LARGE1: variants seen among roughly 807,000 people sequenced by gnomAD.
The protein encoded by LARGE1 is xylosyl- and glucuronyltransferase LARGE1.
A neutral mutation model predicts 87.6 loss-of-function variants in LARGE1; 43 were observed. The observed-to-expected ratio is 0.49, with a 90% CI of 0.38 to 0.63. The LOEUF (loss-of-function observed/expected upper bound fraction) is 0.63, where lower values mean the gene tolerates loss of function less well. Among genes scored for constraint, LARGE1 ranks in the 30% least tolerant of loss-of-function variants. The probability of loss-of-function intolerance (pLI) is 0.00; values close to 1 mark genes in which losing one functional copy is unlikely to be tolerated. For synonymous variants in LARGE1, 434 were observed against 394.6 expected (o/e 1.10, Z -1.18); for missense variants, 802 against 1,000.2 (o/e 0.80, Z 2.67).
chr22:33,511,432 T>A (rs2148443130), intron 6 of LARGE1, among the ~76,000 whole-genome samples: 1 of 152,306 alleles, frequency 6.6e-6, no homozygotes, highest in East Asian at 1.9e-4. Flanking sequence ...GGGATTCAGC[T>A]TTGCATGATA....
chr22:33,667,346 C>T (rs899752245), intron 2 of LARGE1, among the ~76,000 whole-genome samples: 5 of 152,244 alleles, frequency 3.3e-5, no homozygotes, highest in Non-Finnish European at 7.3e-5. Flanking sequence ...GATGGCTTAT[C>T]TCTATCATGA....
intron 9 of LARGE1, among the ~76,000 whole-genome samples, chr22:33,349,332 G>A (rs1940132073): frequency 6.6e-6 from 1 of 152,134 alleles, no homozygotes; most frequent in South Asian, 2.1e-4. Context: ...TATTGGTTCT[G>A]TTTCTCTGGA....
At chr22:33,219,371 T>C (rs1265485865) in intron 11 of LARGE1, among the ~76,000 whole-genome samples, 1 of 152,222 alleles carries the variant, frequency 6.6e-6, no homozygotes, top group African/African-American at 2.4e-5. Flanking sequence ...CATGTAGACA[T>C]GGGACCTCAC....
At chr22:33,403,057 A>AAAC (rs75141421) in intron 7 of LARGE1, among the ~76,000 whole-genome samples, 48,609 of 151,572 alleles carry the variant, frequency 0.32, 8,703 homozygotes, top group African/African-American at 0.49. Flanking sequence ...AAAACAAAAC[A>AAAC]AACAACAACA....
At chr22:33,644,876 G>T (rs240331) in intron 3 of LARGE1, among the ~76,000 whole-genome samples, 75,620 of 151,752 alleles carry the variant, frequency 0.5, 20,794 homozygotes, top group Middle Eastern at 0.66. Flanking sequence ...ACCTCTTCAA[G>T]AACTACAAAC....
intron 1 of LARGE1, among the ~76,000 whole-genome samples, chr22:33,887,089 A>C (rs2064873232): frequency 6.6e-6 from 1 of 152,202 alleles, no homozygotes; most frequent in African/African-American, 2.4e-5. Context: ...GAAGTGAAGG[A>C]AACAGAATTC....
intron 10 of LARGE1, among the ~76,000 whole-genome samples, chr22:33,335,415 G>C (rs1938322766): frequency 6.6e-6 from 1 of 152,186 alleles, no homozygotes; most frequent in African/African-American, 2.4e-5. Context: ...TGGGGACCCA[G>C]TCACAGAGAG....
chr22:33,920,676 G>A (rs1215513133), upstream of LARGE1, among the ~76,000 whole-genome samples: 3 of 145,658 alleles, frequency 2.1e-5, no homozygotes, highest in East Asian at 6.0e-4. Flanking sequence ...GCGGAGGCGC[G>A]GCGAGTGGAT....
intron 5 of LARGE1, 93 bp downstream of exon 5, chr22:33,604,342 G>A (rs972277082): frequency 1.3e-6 from 2 of 1,529,382 alleles, no homozygotes; most frequent in African/African-American, 2.7e-5. Flanking sequence ...GTTAGGAGCT[G>A]AGATTTCTGG....
the LARGE1 span, among the ~76,000 whole-genome samples, chr22:33,122,551 G>T: frequency 1.3e-5 from 2 of 152,038 alleles, no homozygotes; most frequent in South Asian, 2.1e-4. Flanking sequence ...TAGAGACGGG[G>T]TTTCTCCATG....
chr22:33,782,699 T>C (rs747155477), intron 1 of LARGE1, among the ~76,000 whole-genome samples: 53 of 151,986 alleles, frequency 3.5e-4, no homozygotes, highest in Non-Finnish European at 5.6e-4. Flanking sequence ...ACCCCGTCTC[T>C]ACTAAAAATA....
At chr22:33,669,616 T>TG (rs1347114349) in intron 2 of LARGE1, among the ~76,000 whole-genome samples, 1 of 152,224 alleles carries the variant, frequency 6.6e-6, no homozygotes, top group African/African-American at 2.4e-5. Context: ...AGCTGAGGCC[T>TG]GGGGAGACCT....
chr22:33,287,492 T>A (rs1394642951), intron 12 of LARGE1, among the ~76,000 whole-genome samples: 1 of 152,232 alleles, frequency 6.6e-6, no homozygotes, highest in Non-Finnish European at 1.5e-5. Flanking sequence ...TCAATACCGA[T>A]GTCCTGAAAG....
At chr22:33,843,308 A>T (rs568797568) in intron 1 of LARGE1, among the ~76,000 whole-genome samples, 1 of 152,012 alleles carries the variant, frequency 6.6e-6, no homozygotes, top group Non-Finnish European at 1.5e-5. Context: ...ACAGTGGCTC[A>T]TGCCTGTAAT....
At chr22:33,372,399 T>C (rs1277273412) in intron 9 of LARGE1, among the ~76,000 whole-genome samples, 1 of 152,186 alleles carries the variant, frequency 6.6e-6, no homozygotes, top group Admixed American at 6.5e-5. Context: ...GATAAAGACA[T>C]ATCCAAGACT....
At chr22:33,315,679 G>C (rs147331440) in intron 11 of LARGE1, among the ~76,000 whole-genome samples, 2,019 of 152,030 alleles carry the variant, frequency 0.013, 51 homozygotes, top group African/African-American at 0.045. Flanking sequence ...ACCCAGGCTG[G>C]AGTGCAGTGT....
At chr22:33,757,935 G>A (rs947619869) in intron 2 of LARGE1, among the ~76,000 whole-genome samples, 1 of 152,172 alleles carries the variant, frequency 6.6e-6, no homozygotes, top group Non-Finnish European at 1.5e-5. Context: ...CTTTCCCAGA[G>A]CCTCAGGATC....
At chr22:33,292,402 T>C (rs1932743812) in intron 12 of LARGE1, among the ~76,000 whole-genome samples, 1 of 151,746 alleles carries the variant, frequency 6.6e-6, no homozygotes, top group Admixed American at 6.6e-5. Context: ...CAAAGGATTC[T>C]GGAAGTATCT....
At chr22:33,513,313 C>T (rs577664607) in intron 6 of LARGE1, among the ~76,000 whole-genome samples, 1 of 152,328 alleles carries the variant, frequency 6.6e-6, no homozygotes, top group Non-Finnish European at 1.5e-5. Flanking sequence ...GTAATCGAGA[C>T]TAATTTCAAG....
Sources: allele counts gnomAD v4.1 joint callset (sites outside exome capture counted in the v4.1 genomes callset), GRCh38; gene constraint gnomAD v4.1.1; transcripts MANE v1.5; gene names NCBI Gene and HGNC (gene_info 2026-07-23, HGNC 2026-07-21).